MAD2L1BP: variants seen among roughly 807,000 people sequenced by gnomAD.
The protein encoded by MAD2L1BP is MAD2L1 binding protein.
MAD2L1BP carries 22 observed loss-of-function variants against 28.4 expected under a neutral mutation model. The ratio of observed to expected loss-of-function variants is 0.77; its 90% CI spans 0.55 to 1.10. MAD2L1BP has a LOEUF of 1.10. MAD2L1BP is among the 50% of genes least tolerant of loss of function. MAD2L1BP has a pLI of 0.00. For missense variants in MAD2L1BP, 325 were observed against 350.5 expected (o/e 0.93, Z 0.58); for synonymous variants, 146 against 133.7 (o/e 1.09, Z -0.63).
chr6:43,636,304 C>T, intron 1 of MAD2L1BP, 77 bp from the exon 2 acceptor site: 1 of 1,500,038 alleles, frequency 6.7e-7, no homozygotes, highest in East Asian at 2.3e-5. Flanking sequence ...GCTGGTTTGT[C>T]GGCCACAGGG....
chr6:43,639,969 A>G, intron 2 of MAD2L1BP, 52 bp from the exon 3 acceptor site: 2 of 1,492,180 alleles, frequency 1.3e-6, no homozygotes, highest in Non-Finnish European at 1.8e-6. Flanking sequence ...TTCAAAGAGC[A>G]TTAGCTTCCC....
chr6:43,634,212 CTTTT>C (rs1242463650), upstream of MAD2L1BP, among the ~76,000 whole-genome samples: 238 of 131,908 alleles, frequency 1.8e-3, 1 homozygote, highest in African/African-American at 7.1e-3. Context: ...TTTTTTTTTT[CTTTT>C]TTTCTTTTTT....
Position 43,635,896 on chromosome 6 carries a change from G to A in MAD2L1BP, c.21G>A (p.Glu7=). Residue 7 remains glutamate, a synonymous_variant, in exon 1 of 3, where the codon GAG becomes GAA. Coordinates refer to ENST00000372171, the MANE Select transcript of MAD2L1BP (RefSeq NM_014628.3). ...TCGTGATGGCGGCGCCGGAGGCGGAGGTTCTGTCCTCAGCCGCAGTCCCTG... is the reference window on the plus strand; with the variant it reads ...TCGTGATGGCGGCGCCGGAGGCGGAAGTTCTGTCCTCAGCCGCAGTCCCTG... MAAPEA[E]VLSSAAVPDL... is the part of the protein sequence containing the mutation. 1 of 1,482,444 alleles carries A rather than the reference G, an allele frequency of 6.7e-7. No individual in the cohort carries two copies. The allele number at this position is 1,482,444 out of a possible 1,614,324, so 91.8% of individuals were successfully genotyped here.
chr6:43,640,475 C>A lies in MAD2L1BP; in HGVS notation c.767C>A (p.Ala256Asp), dbSNP rs1388979882. The change falls in exon 3 of 3, where the codon GCT becomes GAT. Residue 256 changes from alanine (A) to aspartate (D), a missense_variant. Transcript: ENST00000372171. ...GGCAGACCTTCCATCCGAACCACGG[C>A]TTGGGAAGACTACATTTGGTTCCAG... is the stretch of plus-strand genomic sequence containing the variant. ...SCGRPSIRTT[A>D]WEDYIWFQAP... 6.2e-7 allele frequency: 1 copy of A among 1,611,966 alleles called. No homozygotes were observed. Among genetic ancestry groups the A allele is most frequent in the Non-Finnish European group, 8.5e-7 (1 of 1,179,232 alleles).
chr6:43,638,334 T>C (rs115392055), intron 2 of MAD2L1BP, among the ~76,000 whole-genome samples: 4,997 of 152,070 alleles, frequency 0.033, 266 homozygotes, highest in African/African-American at 0.11. Context: ...TGTGAGCCAC[T>C]GCGCCAGGCC....
intron 1 of MAD2L1BP, among the ~76,000 whole-genome samples, chr6:43,630,046 G>A (rs1051639276): frequency 6.6e-6 from 1 of 152,208 alleles, no homozygotes; most frequent in African/African-American, 2.4e-5. Context: ...GGGAAGAACT[G>A]AGTTTGGTTT....
At chr6:43,633,154 A>G, upstream of MAD2L1BP, 1 of 425,058 alleles carries the variant, frequency 2.4e-6, no homozygotes, top group Non-Finnish European at 4.6e-6. Flanking sequence ...AGTCAGACCC[A>G]GTATTTTAAT....
upstream of MAD2L1BP, among the ~76,000 whole-genome samples, chr6:43,634,220 C>CT (rs751773637): frequency 0.11 from 11,329 of 103,636 alleles, 1,595 homozygotes; most frequent in African/African-American, 0.32. Context: ...TTCTTTTTTT[C>CT]TTTTTTTTTT....
intron 2 of MAD2L1BP, among the ~76,000 whole-genome samples, chr6:43,638,280 T>G (rs1423746473): frequency 1.2e-4 from 18 of 150,216 alleles, no homozygotes; most frequent in African/African-American, 3.9e-4. Flanking sequence ...GACCTCAGGT[T>G]ATCCACCTGC....
At chr6:43,630,151 G>T (rs1036096709) in intron 1 of MAD2L1BP, among the ~76,000 whole-genome samples, 2 of 152,222 alleles carry the variant, frequency 1.3e-5, no homozygotes, top group African/African-American at 4.8e-5. Flanking sequence ...GGCAGTGGCC[G>T]GGAATAGAAA....
At chr6:43,636,763 G>A (rs1036283264) in intron 2 of MAD2L1BP, 117 bp downstream of exon 2, 1 of 1,236,962 alleles carries the variant, frequency 8.1e-7, no homozygotes, top group South Asian at 1.5e-5. Flanking sequence ...CAGCTTCCAG[G>A]GCTTCGGTCA....
intron 1 of MAD2L1BP, among the ~76,000 whole-genome samples, chr6:43,630,801 CGGGA>C (rs1177230653): frequency 6.9e-6 from 1 of 145,256 alleles, no homozygotes; most frequent in Non-Finnish European, 1.5e-5. Flanking sequence ...CCCAGCTGCT[CGGGA>C]GACTGAGGCA....
upstream of MAD2L1BP, chr6:43,635,752 C>A (rs553046073): frequency 3.3e-5 from 32 of 958,968 alleles, no homozygotes; most frequent in Admixed American, 4.9e-4. Context: ...TAACCTCCCC[C>A]ACACTGCGGC....
upstream of MAD2L1BP, among the ~76,000 whole-genome samples, chr6:43,631,256 C>T (rs1425726923): frequency 2.0e-5 from 3 of 152,116 alleles, no homozygotes; most frequent in Admixed American, 6.6e-5. Flanking sequence ...AAGGTTATGC[C>T]GTAGAGGTCA....
At chr6:43,631,877 G>A (rs1582361347), upstream of MAD2L1BP, among the ~76,000 whole-genome samples, 1 of 152,212 alleles carries the variant, frequency 6.6e-6, no homozygotes, top group Middle Eastern at 3.4e-3. Flanking sequence ...CAGAGGGATT[G>A]CTTGAGTCCA....
At chr6:43,635,746 C>G, upstream of MAD2L1BP, 1 of 872,208 alleles carries the variant, frequency 1.1e-6, no homozygotes, top group South Asian at 2.1e-5. Context: ...TCCACTTAAC[C>G]TCCCCCACAC....
At chr6:43,631,139 G>C (rs1769905504), upstream of MAD2L1BP, among the ~76,000 whole-genome samples, 1 of 152,150 alleles carries the variant, frequency 6.6e-6, no homozygotes, top group Non-Finnish European at 1.5e-5. Flanking sequence ...AGTGAGAGCA[G>C]AGAGACCAAA....
chr6:43,634,220 C>T (rs111770911), upstream of MAD2L1BP, among the ~76,000 whole-genome samples: 388 of 103,486 alleles, frequency 3.7e-3, no homozygotes, highest in Middle Eastern at 0.028. Flanking sequence ...TTCTTTTTTT[C>T]TTTTTTTTTT....
chr6:43,636,772 C>T (rs764234720), intron 2 of MAD2L1BP, 126 bp downstream of exon 2: 1 of 1,101,224 alleles, frequency 9.1e-7, no homozygotes, highest in Non-Finnish European at 1.3e-6. Flanking sequence ...GGGCTTCGGT[C>T]ACTTTCTCCC....
Sources: gnomAD v4.1 joint callset for allele counts (sites outside exome capture counted in the v4.1 genomes callset) on GRCh38, gnomAD v4.1.1 for gene constraint, MANE v1.5 for transcripts, NCBI Gene and HGNC (gene_info 2026-07-23, HGNC 2026-07-21) for gene names.